FOXO3: variants seen among roughly 807,000 people sequenced by gnomAD.
The protein encoded by FOXO3 is forkhead box O3.
A neutral mutation model predicts 41.9 loss-of-function variants in FOXO3; 4 were observed. The observed-to-expected ratio is 0.10, with a 90% CI of 0.05 to 0.22. The LOEUF is 0.22. Ranked by LOEUF, FOXO3 falls within the 10% of genes least tolerant of loss-of-function variation. FOXO3 has a pLI of 1.00. For synonymous variants in FOXO3, 318 were observed against 389.3 expected, an observed-to-expected ratio of 0.82 and a Z score of 2.16; for missense variants, 534 against 906.8, an observed-to-expected ratio of 0.59 and a Z score of 5.28.
chr6:108,628,886 G>A (rs768081855), intron 1 of FOXO3, among the ~76,000 whole-genome samples: 19 of 151,724 alleles, frequency 1.3e-4, no homozygotes, highest in Non-Finnish European at 2.2e-4. Context: ...TGACCTCTAG[G>A]GACCTCTGAA....
chr6:108,675,532 T>G (rs1391153781), intron 2 of FOXO3, among the ~76,000 whole-genome samples: 5 of 152,238 alleles, frequency 3.3e-5, no homozygotes, highest in Non-Finnish European at 7.3e-5. Flanking sequence ...GAGACTTCCT[T>G]GTCAGATTGC....
intron 1 of FOXO3, among the ~76,000 whole-genome samples, chr6:108,626,677 C>T (rs1050137567): frequency 1.3e-5 from 2 of 151,374 alleles, no homozygotes; most frequent in African/African-American, 4.9e-5. Context: ...AATGTCCTTT[C>T]GGGACAATCT....
intron 1 of FOXO3, among the ~76,000 whole-genome samples, chr6:108,564,024 A>G (rs1480241659): frequency 6.6e-6 from 1 of 152,038 alleles, no homozygotes; most frequent in Admixed American, 6.6e-5. Context: ...AATACTGTAA[A>G]TTGAAATTCT....
intron 1 of FOXO3, among the ~76,000 whole-genome samples, chr6:108,657,022 C>A (rs1778707185): frequency 6.6e-6 from 1 of 152,144 alleles, no homozygotes; most frequent in South Asian, 2.1e-4. Context: ...CTTCACACAC[C>A]TATTGCACCT....
chr6:108,657,092 C>T (rs1306934669), intron 1 of FOXO3, among the ~76,000 whole-genome samples: 7 of 152,296 alleles, frequency 4.6e-5, no homozygotes, highest in African/African-American at 7.2e-5. Flanking sequence ...CTACACCTAA[C>T]GGGTTTCTGC....
At chr6:108,575,342 C>T (rs1776232885) in intron 1 of FOXO3, among the ~76,000 whole-genome samples, 1 of 150,908 alleles carries the variant, frequency 6.6e-6, no homozygotes, top group South Asian at 2.1e-4. Flanking sequence ...TGCTTACCTT[C>T]CCCCCTTTTC....
intron 1 of FOXO3, among the ~76,000 whole-genome samples, chr6:108,594,998 A>G (rs1776837948): frequency 6.6e-6 from 1 of 152,176 alleles, no homozygotes; most frequent in Non-Finnish European, 1.5e-5. Flanking sequence ...CTTATAATCC[A>G]AAGTATTTTC....
chr6:108,603,357 A>C (rs1219594353), intron 1 of FOXO3, among the ~76,000 whole-genome samples: 1 of 152,182 alleles, frequency 6.6e-6, no homozygotes, highest in Non-Finnish European at 1.5e-5. Context: ...TCAATTATTC[A>C]TTCAGTCATT....
chr6:108,583,720 C>G (rs1441747248), intron 1 of FOXO3, among the ~76,000 whole-genome samples: 1 of 152,212 alleles, frequency 6.6e-6, no homozygotes, highest in Non-Finnish European at 1.5e-5. Context: ...ATTTGTTTGG[C>G]TTTGGCACTG....
chr6:108,657,460 G>A (rs1053546907), intron 1 of FOXO3, among the ~76,000 whole-genome samples: 15 of 152,224 alleles, frequency 9.9e-5, no homozygotes, highest in African/African-American at 3.4e-4. Context: ...TGGTTATTAC[G>A]TACCTTACTA....
intron 1 of FOXO3, among the ~76,000 whole-genome samples, chr6:108,584,588 A>G (rs1216047570): frequency 1.3e-5 from 2 of 151,786 alleles, no homozygotes; most frequent in Non-Finnish European, 3.0e-5. Context: ...CATCCGTAAC[A>G]TGCAGAGTGT....
intron 1 of FOXO3, among the ~76,000 whole-genome samples, chr6:108,651,006 A>G (rs925267941): frequency 1.1e-4 from 17 of 152,216 alleles, no homozygotes; most frequent in African/African-American, 7.2e-5. Flanking sequence ...CAAAACCACT[A>G]TGGTGAAATA....
intron 1 of FOXO3, among the ~76,000 whole-genome samples, chr6:108,607,379 G>C (rs1777236549): frequency 1.3e-5 from 2 of 151,678 alleles, no homozygotes; most frequent in South Asian, 4.2e-4. Flanking sequence ...GAACCTGGGA[G>C]GCGGAGGTTG....
chr6:108,563,957 GT>G (rs1191964328), intron 1 of FOXO3, among the ~76,000 whole-genome samples: 193 of 143,304 alleles, frequency 1.3e-3, no homozygotes, highest in African/African-American at 2.2e-3. Flanking sequence ...TTGTCTTATG[GT>G]TTTTTTTTTT....
chr6:108,577,402 A>T (rs546463445), intron 1 of FOXO3, among the ~76,000 whole-genome samples: 62 of 152,058 alleles, frequency 4.1e-4, no homozygotes, highest in Non-Finnish European at 7.4e-4. Flanking sequence ...TGTCCTGGGC[A>T]CTCCTGGCTG....
chr6:108,650,330 C>T (rs1778513547), intron 1 of FOXO3, among the ~76,000 whole-genome samples: 1 of 152,178 alleles, frequency 6.6e-6, no homozygotes, highest in African/African-American at 2.4e-5. Flanking sequence ...TCTTCTGTCT[C>T]CTCCAGCCAC....
intron 1 of FOXO3, among the ~76,000 whole-genome samples, chr6:108,629,992 C>T (rs187354517): frequency 9.2e-5 from 14 of 152,276 alleles, no homozygotes; most frequent in African/African-American, 3.1e-4. Context: ...AGGTCATCCT[C>T]GAAGGTCTTA....
intron 1 of FOXO3, among the ~76,000 whole-genome samples, chr6:108,586,722 C>T (rs2080512615): frequency 6.6e-6 from 1 of 151,834 alleles, no homozygotes; most frequent in African/African-American, 2.4e-5. Flanking sequence ...GTGGCAGGGA[C>T]GTAGCAGAAG....
intron 1 of FOXO3, among the ~76,000 whole-genome samples, chr6:108,654,294 A>G (rs1298030492): frequency 6.6e-6 from 1 of 151,778 alleles, no homozygotes; most frequent in Non-Finnish European, 1.5e-5. Context: ...AAAGAAGATT[A>G]CTAAAAGAAA....
Sources: allele counts gnomAD v4.1 joint callset (sites outside exome capture counted in the v4.1 genomes callset), GRCh38; gene constraint gnomAD v4.1.1; transcripts MANE v1.5; gene names NCBI Gene and HGNC (gene_info 2026-07-23, HGNC 2026-07-21).